TRPC5: variants seen among roughly 807,000 people sequenced by gnomAD.
TRPC5 encodes the protein short transient receptor potential channel 5.
TRPC5 carries 9 observed loss-of-function variants against 56.5 expected under a neutral mutation model. The observed-to-expected ratio is 0.16, with a 90% CI of 0.10 to 0.28. TRPC5 has a LOEUF of 0.28. Ranked by LOEUF, TRPC5 falls within the 10% of genes least tolerant of loss-of-function variation. The pLI is 1.00. For synonymous variants in TRPC5, 282 were observed against 278.5 expected (o/e 1.01, Z -0.13); for missense variants, 469 against 748.9 (o/e 0.63, Z 4.36).
intron 7 of TRPC5, among the ~76,000 whole-genome samples, chrX:111,814,813 T>A (rs1050866629): frequency 9.0e-6 from 1 of 110,663 alleles, no homozygotes; most frequent in African/African-American, 3.3e-5. Context: ...TACTTTTTTT[T>A]ACTAGTACTC....
intron 2 of TRPC5, among the ~76,000 whole-genome samples, chrX:111,944,273 T>A (rs1423258480): frequency 4.2e-5 from 3 of 72,225 alleles, no homozygotes; most frequent in Non-Finnish European, 7.2e-5. Flanking sequence ...GAAGAGTGTG[T>A]GTGTGTGTGT....
chrX:111,896,911 T>G (rs903651004), intron 3 of TRPC5, among the ~76,000 whole-genome samples: 4 of 111,850 alleles, frequency 3.6e-5, no homozygotes, highest in Non-Finnish European at 5.7e-5. Context: ...GAGGATTAAA[T>G]GTACTACAGG....
intron 7 of TRPC5, among the ~76,000 whole-genome samples, chrX:111,795,125 T>C (rs1180404312): frequency 2.7e-5 from 3 of 111,048 alleles, no homozygotes; most frequent in Non-Finnish European, 5.7e-5. Flanking sequence ...AATCTGTATA[T>C]CCTTAATGAT....
chrX:111,934,760 G>T (rs963137206), intron 2 of TRPC5, among the ~76,000 whole-genome samples: 1 of 111,623 alleles, frequency 9.0e-6, no homozygotes, highest in Admixed American at 9.5e-5. Context: ...TTAACATAAT[G>T]TCCTCCAGCT....
At chrX:111,964,260 G>A (rs1927488908) in intron 1 of TRPC5, among the ~76,000 whole-genome samples, 1 of 111,700 alleles carries the variant, frequency 9.0e-6, no homozygotes, top group African/African-American at 3.3e-5. Flanking sequence ...GAAGCGAGAA[G>A]GGAAGGTTAG....
intron 2 of TRPC5, among the ~76,000 whole-genome samples, chrX:111,919,875 G>A (rs1172165978): frequency 8.9e-6 from 1 of 112,486 alleles, no homozygotes; most frequent in East Asian, 2.8e-4. Context: ...CACATTCAAA[G>A]CTGTCTTGGG....
At chrX:112,060,399 G>A (rs1356641625) in intron 1 of TRPC5, among the ~76,000 whole-genome samples, 1 of 112,374 alleles carries the variant, frequency 8.9e-6, no homozygotes, top group Non-Finnish European at 1.9e-5. Context: ...ATAAAGTGAG[G>A]TTGTGAGTAA....
chrX:111,825,990 A>G (rs1010427550), intron 7 of TRPC5, among the ~76,000 whole-genome samples: 2 of 112,358 alleles, frequency 1.8e-5, no homozygotes, highest in African/African-American at 6.5e-5. Context: ...TTTTCTTGAT[A>G]CAAGAAACAG....
chrX:112,029,904 C>T (rs764363130), intron 1 of TRPC5, among the ~76,000 whole-genome samples: 22 of 109,712 alleles, frequency 2.0e-4, no homozygotes, highest in Middle Eastern at 4.7e-3. Context: ...CTCGACTCAC[C>T]GCAACCTCTG....
At position 111,771,459 on chromosome X, in the gene TRPC5, A is replaced by G. The variant is rs771600856; in HGVS notation, c.*4854T>C. ...ATACAAATCCACTCAAGTTGGGGAT[A>G]ACACAAATACTGAGCCTAAAGATGC... On this transcript the variant is annotated 3_prime_UTR_variant, in exon 11 of 11. Transcript: ENST00000262839. Among the ~76,000 whole-genome samples the G allele has an allele frequency of 7.1e-4, 79 of 111,867 alleles. 1 individual carries two copies. Among genetic ancestry groups the G allele is most frequent in the Non-Finnish European group, 1.3e-4 (7 of 53,192 alleles).
chrX:111,944,267 AGTGT>A (rs36057312), intron 2 of TRPC5, among the ~76,000 whole-genome samples: 3,091 of 71,592 alleles, frequency 0.043, 81 homozygotes, highest in Non-Finnish European at 0.062. Flanking sequence ...GGAGTAGAAG[AGTGT>A]GTGTGTGTGT....
At chrX:111,877,461 G>T (rs1924004763) in intron 3 of TRPC5, among the ~76,000 whole-genome samples, 1 of 111,044 alleles carries the variant, frequency 9.0e-6, no homozygotes, top group South Asian at 3.8e-4. Context: ...GGAACTTTCA[G>T]TGCTAAAACT....
chrX:111,847,546 G>A (rs866519971), intron 5 of TRPC5, 110 bp from the exon 6 acceptor site: 3 of 657,106 alleles, frequency 4.6e-6, no homozygotes, highest in Middle Eastern at 7.2e-4. Flanking sequence ...TATGCATCAA[G>A]CATTCATTAT....
intron 1 of TRPC5, among the ~76,000 whole-genome samples, chrX:111,969,795 G>C (rs1225693941): frequency 1.8e-5 from 2 of 111,174 alleles, no homozygotes; most frequent in Non-Finnish European, 3.8e-5. Flanking sequence ...TTGTTGGAGG[G>C]TGATGAACAT....
At chrX:112,001,654 G>A (rs1339892875) in intron 1 of TRPC5, among the ~76,000 whole-genome samples, 2 of 111,414 alleles carry the variant, frequency 1.8e-5, no homozygotes, top group African/African-American at 6.5e-5. Flanking sequence ...CCAGCTATTT[G>A]GGAGGGTGAG....
intron 3 of TRPC5, among the ~76,000 whole-genome samples, chrX:111,860,186 G>A (rs1255332771): frequency 8.9e-6 from 1 of 112,739 alleles, no homozygotes; most frequent in Non-Finnish European, 1.9e-5. Context: ...GGGATTACAG[G>A]CGTGAGCCAC....
At chrX:111,928,072 T>C (rs1036723353) in intron 2 of TRPC5, among the ~76,000 whole-genome samples, 2 of 111,301 alleles carry the variant, frequency 1.8e-5, no homozygotes, top group Admixed American at 1.9e-4. Context: ...TAAGTTCATC[T>C]AGCACAGACA....
chrX:111,970,832 C>T (rs1262076101), intron 1 of TRPC5, among the ~76,000 whole-genome samples: 4 of 102,525 alleles, frequency 3.9e-5, no homozygotes, highest in Non-Finnish European at 7.8e-5. Flanking sequence ...TGCAGTGGCG[C>T]GATCTCGGCT....
intron 1 of TRPC5, among the ~76,000 whole-genome samples, chrX:111,963,412 A>G (rs1274238856): frequency 8.9e-6 from 1 of 112,240 alleles, no homozygotes; most frequent in Non-Finnish European, 1.9e-5. Context: ...GCACAGACAA[A>G]CAAAAAGACA....
Sources: allele counts gnomAD v4.1 joint callset (sites outside exome capture counted in the v4.1 genomes callset), GRCh38; gene constraint gnomAD v4.1.1; transcripts MANE v1.5; gene names NCBI Gene and HGNC (gene_info 2026-07-23, HGNC 2026-07-21).